MAP4K1: variants seen among roughly 807,000 people sequenced by gnomAD.
MAP4K1 encodes the protein MAPK/ERK kinase kinase kinase 1.
In MAP4K1, 35 loss-of-function variants were observed where a neutral mutation model predicts 122.8. The observed-to-expected ratio is 0.29, with a 90% CI of 0.22 to 0.38. The LOEUF (loss-of-function observed/expected upper bound fraction) is 0.38. Among genes scored for constraint, MAP4K1 ranks in the 10% least tolerant of loss-of-function variants. The pLI, the probability that MAP4K1 is intolerant of heterozygous loss-of-function variation, is 1.00. For missense variants in MAP4K1, 791 were observed against 1,072.6 expected, an observed-to-expected ratio of 0.74 and a Z score of 3.67; for synonymous variants, 412 against 421.3, an observed-to-expected ratio of 0.98 and a Z score of 0.27.
intron 30 of MAP4K1, 112 bp from the exon 31 acceptor site, chr19:38,587,929 G>A (rs1974573661): frequency 2.5e-6 from 2 of 809,938 alleles, no homozygotes; most frequent in African/African-American, 1.7e-5. Context: ...AACTATAGCA[G>A]TGAATGGGCA....
At chr19:38,603,241 TAC>T (rs1158965070) in intron 19 of MAP4K1, among the ~76,000 whole-genome samples, 1 of 148,580 alleles carries the variant, frequency 6.7e-6, no homozygotes, top group Non-Finnish European at 1.5e-5. Context: ...CACATATATA[TAC>T]ACATGTACAT....
At chr19:38,616,351 C>CTTATTGAACTAG in intron 3 of MAP4K1, 92 bp from the exon 4 acceptor site, 2 of 948,246 alleles carry the variant, frequency 2.1e-6, no homozygotes, top group Non-Finnish European at 3.2e-6. Context: ...TGTTCTAGTT[C>CTTATTGAACTAG]AATAAGAACT....
At position 38,614,461 on chromosome 19, in the gene MAP4K1, C is replaced by A. The variant is rs773787590; in HGVS notation, c.314-16G>T. Reference sequence around the variant, plus strand: ...GAGCCTGTCACTGCAAAGGTCACCCCGGCCAGGCCAGGCATTGGATGGGAG... The same window carrying A: ...GAGCCTGTCACTGCAAAGGTCACCCAGGCCAGGCCAGGCATTGGATGGGAG... On this transcript the variant is annotated splice_polypyrimidine_tract_variant and intron_variant, in intron 4 of 30. Coordinates refer to ENST00000396857, the MANE Select transcript of MAP4K1 (RefSeq NM_001042600.3). 1 of 1,613,836 alleles carries A rather than the reference C, an allele frequency of 6.2e-7. No individual in the cohort carries two copies. Among genetic ancestry groups the A allele is most frequent in the Non-Finnish European group, 8.5e-7 (1 of 1,180,024 alleles).
intron 30 of MAP4K1, among the ~76,000 whole-genome samples, chr19:38,589,670 C>T (rs894166457): frequency 5.3e-5 from 8 of 152,132 alleles, no homozygotes; most frequent in African/African-American, 1.9e-4. Flanking sequence ...CTGCCTCGGC[C>T]TCCCAAAGTG....
At position 38,612,601 on chromosome 19, in the gene MAP4K1, G is replaced by A. The variant is rs765083604; in HGVS notation, c.665+10C>T. On this transcript the variant is annotated intron_variant, in intron 9 of 30. Coordinates refer to ENST00000396857, the MANE Select transcript of MAP4K1 (RefSeq NM_001042600.3). ...GGATCTCTGGGCCTGGGGACCCCAC[G>A]CCTGCCTACCTGAGAGGGTGCACAT... 1.5e-5 allele frequency: 24 copies of A among 1,610,498 alleles called. No homozygotes were observed. In the East Asian group the frequency reaches 2.7e-4, roughly 18 times the overall value.
At chr19:38,592,763 T>C (rs773743178) in intron 30 of MAP4K1, among the ~76,000 whole-genome samples, 1 of 149,520 alleles carries the variant, frequency 6.7e-6, no homozygotes, top group African/African-American at 2.5e-5. Context: ...CTAAAAAATA[T>C]AGTATTAGCC....
intron 30 of MAP4K1, among the ~76,000 whole-genome samples, chr19:38,588,908 G>GACTC (rs1196484609): frequency 1.2e-4 from 18 of 151,588 alleles, no homozygotes; most frequent in Non-Finnish European, 1.5e-5. Context: ...GACAGAGCGA[G>GACTC]ACTCCATCTC....
At chr19:38,588,315 C>G (rs1310838784) in intron 30 of MAP4K1, among the ~76,000 whole-genome samples, 1 of 151,986 alleles carries the variant, frequency 6.6e-6, no homozygotes, top group African/African-American at 2.4e-5. Flanking sequence ...TTAAAGTGAC[C>G]CTTCTGGCAT....
intron 6 of MAP4K1, 68 bp downstream of exon 6, chr19:38,614,177 G>A (rs1975580294): frequency 6.2e-7 from 1 of 1,608,410 alleles, no homozygotes; most frequent in Non-Finnish European, 8.5e-7. Flanking sequence ...TGATCCCTGA[G>A]CCCCTGAAAT....
rs754776316 is a variant in MAP4K1, at chr19:38,606,202, C to T, written c.1171G>A (p.Glu391Lys). The change falls in exon 17 of 31, where the codon GAG (glutamate) becomes AAG (lysine). Residue 391 changes from glutamate to lysine, a missense_variant. Transcript: ENST00000396857. ...GGGGGAAGTGGAGGAGGTGTGTCCTCTGCAGGGGTGGGGCTGAAACACAAA... is the reference window on the plus strand; with the variant it reads ...GGGGGAAGTGGAGGAGGTGTGTCCTTTGCAGGGGTGGGGCTGAAACACAAA... ...YDDVDIPTPA[E>K]DTPPPLPPKP... The T allele has an allele frequency of 3.8e-6, 6 of 1,561,930 alleles. No individual in the cohort carries two copies. In the East Asian group the frequency reaches 1.1e-4, roughly 30 times the overall value.
chr19:38,598,641 A>G (rs1053419628), intron 22 of MAP4K1, among the ~76,000 whole-genome samples: 2 of 152,116 alleles, frequency 1.3e-5, no homozygotes, highest in African/African-American at 4.8e-5. Context: ...CCAGATTTTG[A>G]AATCTATAAC....
At position 38,607,974 on chromosome 19, in the gene MAP4K1, C is replaced by T; in HGVS notation, c.1109+16G>A. 6.2e-7 allele frequency: 1 copy of T among 1,611,528 alleles called. No individual in the cohort carries two copies. Among genetic ancestry groups the T allele is most frequent in the Non-Finnish European group, 8.5e-7 (1 of 1,178,912 alleles). On this transcript the variant is annotated intron_variant, in intron 15 of 30. Coordinates refer to ENST00000396857, the MANE Select transcript of MAP4K1 (RefSeq NM_001042600.3). Reference sequence around the variant, plus strand: ...CACATTCCAGCCCCCTCCCCATCCTCCCTGGGGTCCCTGACCTGGGGCTGC... The same window carrying T: ...CACATTCCAGCCCCCTCCCCATCCTTCCTGGGGTCCCTGACCTGGGGCTGC...
At position 38,596,399 on chromosome 19, in the gene MAP4K1, C is replaced by T. The variant is rs1974885558; in HGVS notation, c.2029G>A (p.Val677Met). ...GSELPAVCIG[V>M]SPGRPGKSVL... ...GACTTCCCCGGCCGCCCGGGGCTCACGCCGATGCACACAGCGGGCAGCTCA... is the reference window on the plus strand; with the variant it reads ...GACTTCCCCGGCCGCCCGGGGCTCATGCCGATGCACACAGCGGGCAGCTCA... Residue 677 changes from valine (V) to methionine (M), a missense_variant, in exon 26 of 31, where the codon GTG becomes ATG. By Grantham distance (21) the Val-to-Met change is conservative. This residue lies in a region of MAP4K1 where 267 missense variants were observed against 323.0 expected (regional missense o/e 0.83). Coordinates refer to ENST00000396857, the MANE Select transcript of MAP4K1 (RefSeq NM_001042600.3). 1.9e-5 allele frequency: 31 copies of T among 1,595,964 alleles called. No individual in the cohort carries two copies. The highest frequency in any genetic ancestry group is 2.5e-5 in the Non-Finnish European group (29 of 1,174,904).
At chr19:38,596,884 GCGCAGAC>G (rs1974904662) in intron 25 of MAP4K1, 143 bp downstream of exon 25, 1 of 721,354 alleles carries the variant, frequency 1.4e-6, no homozygotes, top group Non-Finnish European at 2.4e-6. Flanking sequence ...GAGGCTCCAA[GCGCAGAC>G]CGCAGGTGGG....
intron 30 of MAP4K1, among the ~76,000 whole-genome samples, chr19:38,592,248 T>A (rs1340681360): frequency 1.3e-5 from 2 of 152,182 alleles, no homozygotes; most frequent in Middle Eastern, 6.8e-3. Flanking sequence ...CACTTCAGCC[T>A]GCGCAACAGA....
rs1975645600 is a variant in MAP4K1 at position 38,616,213 on chromosome 19, G to A, written c.295C>T (p.Leu99Phe). 6.2e-7 allele frequency: 1 copy of A among 1,613,570 alleles called. No individual in the cohort carries two copies. The part of the protein sequence containing the change: ...ICMEFCGAGS[L>F]QDIYQVTGSL... ...CTCTAACCTTGGTAGATGTCCTGGA[G>A]AGAACCAGCCCCACAGAATTCCATG... Residue 99 changes from leucine to phenylalanine, a missense_variant, in exon 4 of 31, where the codon CTC (leucine) becomes TTC (phenylalanine). By Grantham distance (22) the Leu-to-Phe change is conservative. Coordinates refer to ENST00000396857, the MANE Select transcript of MAP4K1 (RefSeq NM_001042600.3).
At chr19:38,607,568 A>G (rs1471349432) in intron 16 of MAP4K1, among the ~76,000 whole-genome samples, 2 of 150,550 alleles carry the variant, frequency 1.3e-5, no homozygotes, top group Non-Finnish European at 3.0e-5. Context: ...TCAAAAAAAA[A>G]AAAAAAAAAA....
rs1324028618 is a variant in MAP4K1 at position 38,595,277 on chromosome 19, G to A, written c.2340+208C>T. 3.9e-5 allele frequency among the ~76,000 whole-genome samples: 6 copies of A among 152,208 alleles called. No individual in the cohort carries two copies. In the East Asian group the frequency reaches 1.2e-3, roughly 29 times the overall value. ...GCACTCCAGCCTGGGCAACAAGAGT[G>A]AAACTCCGTCTTAAATAAATAAATA... On this transcript the variant is annotated intron_variant, in intron 29 of 30. Transcript: ENST00000396857.
intron 19 of MAP4K1, 111 bp from the exon 20 acceptor site, chr19:38,601,636 T>C (rs1975068842): frequency 2.7e-6 from 2 of 733,286 alleles, no homozygotes; most frequent in Non-Finnish European, 4.6e-6. Context: ...AAATCCTGCC[T>C]CTTACCTTGG....
Sources: allele counts gnomAD v4.1 joint callset (sites outside exome capture counted in the v4.1 genomes callset), GRCh38; gene constraint gnomAD v4.1.1; regional missense constraint gnomAD v4.1.1; transcripts MANE v1.5; gene names NCBI Gene and HGNC (gene_info 2026-07-23, HGNC 2026-07-21).